The following BORCS5 variants were observed in gnomAD, a reference collection of about 807,000 sequenced individuals.
BORCS5 encodes BLOC-1-related complex subunit 5.
Under a neutral mutation model 22.1 loss-of-function variants are expected in BORCS5, and 17 were observed. That is an observed-to-expected ratio of 0.77 (90% CI 0.53 to 1.15). The LOEUF is 1.15. Among genes scored for constraint, BORCS5 ranks in the 50% most tolerant of loss-of-function variants. The probability of loss-of-function intolerance (pLI) is 0.00; values close to 1 mark genes in which losing one functional copy is unlikely to be tolerated. For missense variants in BORCS5, 247 were observed against 253.2 expected, an observed-to-expected ratio of 0.98 and a Z score of 0.17; for synonymous variants, 117 against 99.8, an observed-to-expected ratio of 1.17 and a Z score of -1.03.
chr12:12,436,110 T>C (rs1942549916), intron 3 of BORCS5, among the ~76,000 whole-genome samples: 1 of 152,232 alleles, frequency 6.6e-6, no homozygotes, highest in South Asian at 2.1e-4. Context: ...TTAGTGCATG[T>C]AAAGTCCTGC....
intron 2 of BORCS5, among the ~76,000 whole-genome samples, chr12:12,411,524 T>C (rs534332256): frequency 1.3e-5 from 2 of 152,294 alleles, no homozygotes; most frequent in South Asian, 4.1e-4. Flanking sequence ...TAATAAAATA[T>C]ACATGATTTG....
At chr12:12,463,510 A>C (rs552169306) in intron 3 of BORCS5, among the ~76,000 whole-genome samples, 8 of 152,212 alleles carry the variant, frequency 5.3e-5, no homozygotes, top group Non-Finnish European at 1.2e-4. Context: ...TGGACTTCGG[A>C]GAGCTGGGGT....
At chr12:12,390,394 A>C (rs1438720190) in intron 2 of BORCS5, among the ~76,000 whole-genome samples, 1 of 152,126 alleles carries the variant, frequency 6.6e-6, no homozygotes, top group African/African-American at 2.4e-5. Context: ...ATATATTTGA[A>C]GTGACCACTG....
intron 3 of BORCS5, among the ~76,000 whole-genome samples, chr12:12,461,887 G>A (rs552723730): frequency 1.3e-5 from 2 of 152,238 alleles, no homozygotes; most frequent in South Asian, 2.1e-4. Context: ...ATAAAGAGTT[G>A]TTCACTTTCT....
At chr12:12,380,605 T>C (rs1850639524) in intron 2 of BORCS5, among the ~76,000 whole-genome samples, 1 of 151,528 alleles carries the variant, frequency 6.6e-6, no homozygotes, top group African/African-American at 2.4e-5. Context: ...TTCATGTGAA[T>C]GTGTTTTTAT....
intron 2 of BORCS5, among the ~76,000 whole-genome samples, chr12:12,404,371 A>C (rs1163446973): frequency 6.6e-6 from 1 of 152,204 alleles, no homozygotes; most frequent in African/African-American, 2.4e-5. Flanking sequence ...TTCAAGATTA[A>C]GGTTTGTTGA....
At chr12:12,445,014 T>C (rs1592133138) in intron 3 of BORCS5, among the ~76,000 whole-genome samples, 1 of 152,238 alleles carries the variant, frequency 6.6e-6, no homozygotes, top group Non-Finnish European at 1.5e-5. Context: ...AAAGCTGTCC[T>C]GGACTGCATG....
chr12:12,414,098 C>T (rs1211481226), intron 2 of BORCS5, among the ~76,000 whole-genome samples: 7 of 87,642 alleles, frequency 8.0e-5, no homozygotes, highest in South Asian at 3.3e-4. Flanking sequence ...GGCGGCTGGC[C>T]GGGCGGGGGG....
intron 2 of BORCS5, among the ~76,000 whole-genome samples, chr12:12,374,226 C>T (rs938847302): frequency 9.2e-5 from 14 of 151,552 alleles, no homozygotes; most frequent in Non-Finnish European, 1.0e-4. Flanking sequence ...CTCCTGACCT[C>T]GTGATCCGCC....
intron 2 of BORCS5, among the ~76,000 whole-genome samples, chr12:12,398,121 GA>G (rs1472684464): frequency 1.3e-5 from 2 of 152,140 alleles, no homozygotes; most frequent in Non-Finnish European, 2.9e-5. Context: ...ATCTGTTTCA[GA>G]AGATGCACTA....
At chr12:12,397,356 C>T (rs939947269) in intron 2 of BORCS5, among the ~76,000 whole-genome samples, 6 of 152,154 alleles carry the variant, frequency 3.9e-5, no homozygotes, top group African/African-American at 1.4e-4. Flanking sequence ...GTTTTTTGTA[C>T]GTGCTGAGGT....
rs377367107 is a variant in BORCS5 at position 12,357,142 on chromosome 12, C to T, written c.-310C>T. 16 of 1,533,452 alleles carry T rather than the reference C, an allele frequency of 1.0e-5. No homozygotes were observed. The East Asian group carries it at 2.9e-4, about 28-fold the overall frequency. The allele number at this position is 1,533,452 out of a possible 1,614,324, so 95.0% of individuals were successfully genotyped here. A position where few individuals can be genotyped will look rare whatever the true frequency, so the allele number is the denominator to read the frequency against. On this transcript the variant is annotated 5_prime_UTR_variant, in exon 1 of 4. Transcript: ENST00000314565. ...CAGTGAGTGAAAGCGGCGCCGCCCG[C>T]CGGCCGCAGGTGCGGCAAAGCCAGT...
At chr12:12,403,669 C>A (rs1363501719) in intron 2 of BORCS5, among the ~76,000 whole-genome samples, 2 of 152,176 alleles carry the variant, frequency 1.3e-5, no homozygotes, top group African/African-American at 4.8e-5. Flanking sequence ...TCAACAAAGG[C>A]TGTGATGTAC....
intron 1 of BORCS5, among the ~76,000 whole-genome samples, chr12:12,359,565 T>C (rs190351558): frequency 6.6e-6 from 1 of 152,058 alleles, no homozygotes; most frequent in East Asian, 1.9e-4. Flanking sequence ...TTTCACCATG[T>C]TGGCCAGGCT....
At position 12,359,388 on chromosome 12, in the gene BORCS5, C is replaced by T. The variant is rs540335237; in HGVS notation, c.59-1818C>T. Among the ~76,000 whole-genome samples the T allele has an allele frequency of 1.4e-4, 19 of 132,526 alleles. No individual in the cohort carries two copies. The East Asian group carries it at 4.0e-3, about 28-fold the overall frequency. 86.9% of individuals were successfully genotyped at this position (132,526 alleles called of 152,430 possible). A position where few individuals can be genotyped will look rare whatever the true frequency, so the allele number is the denominator to read the frequency against. On this transcript the variant is annotated intron_variant, in intron 1 of 3. Transcript: ENST00000314565. ...TCTTTTTTTTTTTTTTTTTTTGAGACAGTCTCACTGTCACCTAGGCTGGAG... is the reference window on the plus strand; with the variant it reads ...TCTTTTTTTTTTTTTTTTTTTGAGATAGTCTCACTGTCACCTAGGCTGGAG...
At chr12:12,438,370 AAAAAAAAAAACG>A (rs1942602644) in intron 3 of BORCS5, among the ~76,000 whole-genome samples, 1 of 128,148 alleles carries the variant, frequency 7.8e-6, no homozygotes, top group African/African-American at 4.0e-5. Flanking sequence ...CAAAAAAAAA[AAAAAAAAAAACG>A]AAAAACAACA....
At chr12:12,441,506 A>G (rs1000321540) in intron 3 of BORCS5, among the ~76,000 whole-genome samples, 3 of 151,708 alleles carry the variant, frequency 2.0e-5, no homozygotes, top group Non-Finnish European at 1.5e-5. Context: ...AGTTCTAGGG[A>G]CCACGCCTGC....
rs57737663 is a variant in BORCS5, at chr12:12,438,360, C to CAA, written c.360+2594_360+2595dup. Among the ~76,000 whole-genome samples the CAA allele has an allele frequency of 4.0e-3, 94 of 23,774 alleles. 2 individuals carry two copies. In the East Asian group the frequency reaches 0.043, roughly 11 times the overall value. The allele number at this position is 23,774 out of a possible 152,430, so 15.6% of individuals were successfully genotyped here. A position where few individuals can be genotyped will look rare whatever the true frequency, so the allele number is the denominator to read the frequency against. ...AGGGCGACAGAGCCAGATTTCATCT[C>CAA]AAAAAAAAAAAAAAAAAAAACGAAA... On this transcript the variant is annotated intron_variant, in intron 3 of 3. Transcript: ENST00000314565.
At chr12:12,459,729 G>A (rs887089383) in intron 3 of BORCS5, among the ~76,000 whole-genome samples, 3 of 152,096 alleles carry the variant, frequency 2.0e-5, no homozygotes, top group African/African-American at 7.2e-5. Flanking sequence ...GAGATGTAAG[G>A]CTCCAGGTTC....
Sources: gnomAD v4.1 joint callset for allele counts (sites outside exome capture counted in the v4.1 genomes callset) on GRCh38, gnomAD v4.1.1 for gene constraint, MANE v1.5 for transcripts, NCBI Gene and HGNC (gene_info 2026-07-23, HGNC 2026-07-21) for gene names.